Variants in TRIB3 observed in about 807,000 individuals in gnomAD.
TRIB3 encodes the protein tribbles pseudokinase 3, also known as tribbles homolog 3.
In TRIB3, 20 loss-of-function variants were observed where a neutral mutation model predicts 16.6. The ratio of observed to expected loss-of-function variants is 1.20; its 90% CI spans 0.85 to 1.75. The LOEUF (loss-of-function observed/expected upper bound fraction) is 1.75. Ranked by LOEUF, TRIB3 falls within the 40% of genes most tolerant of loss-of-function variation. The probability of loss-of-function intolerance (pLI) is 0.00; values close to 1 mark genes in which losing one functional copy is unlikely to be tolerated. For missense variants in TRIB3, 484 were observed against 488.9 expected (o/e 0.99, Z 0.10); for synonymous variants, 208 against 217.0 (o/e 0.96, Z 0.36).
chr20:386,730 G>A (rs770923364), intron 1 of TRIB3, among the ~76,000 whole-genome samples: 3 of 152,046 alleles, frequency 2.0e-5, no homozygotes, highest in Non-Finnish European at 2.9e-5. Flanking sequence ...ACGCCACCAC[G>A]CCTGGCTAAT....
At position 396,713 on chromosome 20, in the gene TRIB3, C is replaced by T. The variant is rs767371142; in HGVS notation, c.*23C>T. On this transcript the variant is annotated 3_prime_UTR_variant, in exon 4 of 4. Coordinates refer to ENST00000217233, the MANE Select transcript of TRIB3 (RefSeq NM_021158.5). ...TAGGACCACCCTACTACACGCTCAG[C>T]TGCCAACAGTGGATTGAGTTTGGGG... 8 of 1,576,974 alleles carry T rather than the reference C, an allele frequency of 5.1e-6. No homozygotes were observed. The Admixed American group carries it at 1.4e-4, about 27-fold the overall frequency.
chr20:387,813 A>AT (rs1345339845), intron 1 of TRIB3, among the ~76,000 whole-genome samples, 198 bp from the exon 2 acceptor site: 2 of 152,038 alleles, frequency 1.3e-5, no homozygotes, highest in Non-Finnish European at 2.9e-5. Context: ...ACTATATTTA[A>AT]TTTTTTTGTG....
rs754475678 is a variant in TRIB3 at position 388,111 on chromosome 20, G to A, written c.101G>A (p.Arg34Gln). Residue 34 changes from arginine (R) to glutamine (Q), a missense_variant, in exon 2 of 4, where the codon CGA becomes CAA. By Grantham distance (43) the Arg-to-Gln change is conservative. Coordinates refer to ENST00000217233, the MANE Select transcript of TRIB3 (RefSeq NM_021158.5). ...GATACCGAGCGTCCCGTCCAGAAAC[G>A]AGCTCGAAGTGGGCCCCAGCCCAGA... is the stretch of plus-strand genomic sequence containing the variant. ...NLDTERPVQK[R>Q]ARSGPQPRLP... The A allele has an allele frequency of 2.0e-5, 32 of 1,613,990 alleles. No individual in the cohort carries two copies. The highest frequency in any genetic ancestry group is 1.7e-4 in the African/African-American group (13 of 74,936).
intron 3 of TRIB3, 134 bp from the exon 4 acceptor site, chr20:396,064 A>G: frequency 7.5e-7 from 1 of 1,334,498 alleles, no homozygotes; most frequent in Non-Finnish European, 1.0e-6. Flanking sequence ...AGGATCAGAC[A>G]TCACAGGACT....
intron 3 of TRIB3, 31 bp from the exon 4 acceptor site, chr20:396,167 C>T (rs779413843): frequency 3.5e-5 from 55 of 1,591,202 alleles, no homozygotes; most frequent in Admixed American, 6.7e-5. Flanking sequence ...CTGGGTAGGA[C>T]CTGACCCTTC....
chr20:387,934 C>A, intron 1 of TRIB3, 77 bp from the exon 2 acceptor site: 2 of 1,516,844 alleles, frequency 1.3e-6, no homozygotes, highest in South Asian at 1.2e-5. Context: ...TGTTGTGCCA[C>A]GTATCCTCCC....
intron 1 of TRIB3, among the ~76,000 whole-genome samples, chr20:382,022 G>C (rs1023405187): frequency 6.6e-6 from 1 of 152,160 alleles, no homozygotes; most frequent in Non-Finnish European, 1.5e-5. Flanking sequence ...CCACGGGAGG[G>C]GCCTGGCTGC....
chr20:382,456 G>C (rs941193618), intron 1 of TRIB3: 1 of 1,385,282 alleles, frequency 7.2e-7, no homozygotes. Context: ...TGCACAGCCA[G>C]GTATCATCCT....
chr20:381,754 G>A (rs889810506), intron 1 of TRIB3, among the ~76,000 whole-genome samples: 4 of 152,118 alleles, frequency 2.6e-5, no homozygotes, highest in African/African-American at 4.8e-5. Context: ...GAGCGGGGGA[G>A]CCGAGGGAGT....
intron 3 of TRIB3, among the ~76,000 whole-genome samples, chr20:395,744 A>G (rs1417634362): frequency 2.0e-5 from 3 of 152,094 alleles, no homozygotes; most frequent in East Asian, 3.9e-4. Flanking sequence ...GAGCCAGGTA[A>G]TGAGCTGGGT....
intron 1 of TRIB3, chr20:382,384 C>T: frequency 1.4e-6 from 1 of 723,286 alleles, no homozygotes; most frequent in Non-Finnish European, 2.2e-6. Context: ...GCCTGGACTA[C>T]TGATGTGGCA....
intron 2 of TRIB3, among the ~76,000 whole-genome samples, chr20:388,753 G>A (rs2014893091): frequency 6.6e-6 from 1 of 152,144 alleles, no homozygotes; most frequent in South Asian, 2.1e-4. Context: ...GGTCATGAAG[G>A]TGTTAACAAG....
At position 396,481 on chromosome 20, in the gene TRIB3, T is replaced by C. The variant is rs1453108118; in HGVS notation, c.868T>C (p.Cys290Arg). The change falls in exon 4 of 4, where the codon TGT becomes CGT. Residue 290 changes from cysteine (C) to arginine (R), a missense_variant. Physicochemically the swap from Cys to Arg is radical, Grantham distance 180. Coordinates refer to ENST00000217233, the MANE Select transcript of TRIB3 (RefSeq NM_021158.5). ...LPAGLSAPAR[C>R]LVRCLLRREP... ...TGCAGGCCTCTCGGCCCCTGCCCGC[T>C]GTCTGGTTCGCTGCCTCCTTCGTCG... The C allele has an allele frequency of 6.2e-7, 1 of 1,612,848 alleles. No homozygotes were observed. Among genetic ancestry groups the C allele is most frequent in the African/African-American group, 1.3e-5 (1 of 74,956 alleles).
chr20:383,805 C>T (rs1404584096), intron 1 of TRIB3, among the ~76,000 whole-genome samples: 1 of 152,170 alleles, frequency 6.6e-6, no homozygotes, highest in African/African-American at 2.4e-5. Flanking sequence ...CTCCCACTAG[C>T]ACTGTCTTCA....
At chr20:382,705 A>T in intron 1 of TRIB3, 1 of 940,450 alleles carries the variant, frequency 1.1e-6, no homozygotes, top group Non-Finnish European at 1.7e-6. Context: ...TCCTGTTCCC[A>T]CTTTACAGGA....
chr20:391,691 CTG>C, intron 3 of TRIB3, 112 bp downstream of exon 3: 1 of 1,360,190 alleles, frequency 7.4e-7, no homozygotes, highest in Non-Finnish European at 9.9e-7. Flanking sequence ...GTGGGAGAAA[CTG>C]AAGTAACCAG....
At chr20:386,206 G>A (rs2014802912) in intron 1 of TRIB3, among the ~76,000 whole-genome samples, 2 of 151,936 alleles carry the variant, frequency 1.3e-5, no homozygotes, top group African/African-American at 4.8e-5. Context: ...AAATTGACTG[G>A]AAGATCCTGA....
At chr20:390,972 A>C (rs1197053209) in intron 2 of TRIB3, among the ~76,000 whole-genome samples, 7 of 137,118 alleles carry the variant, frequency 5.1e-5, no homozygotes, top group Non-Finnish European at 1.1e-4. Flanking sequence ...AGTGTGCTCC[A>C]GCCTGGGTGA....
At chr20:384,403 C>G (rs868295641) in intron 1 of TRIB3, among the ~76,000 whole-genome samples, 4 of 152,002 alleles carry the variant, frequency 2.6e-5, no homozygotes, top group African/African-American at 9.7e-5. Flanking sequence ...CTTGCTCTGT[C>G]CCCAGGCTGG....
Sources: gnomAD v4.1 joint callset for allele counts (sites outside exome capture counted in the v4.1 genomes callset) on GRCh38, gnomAD v4.1.1 for gene constraint, MANE v1.5 for transcripts, NCBI Gene and HGNC (gene_info 2026-07-23, HGNC 2026-07-21) for gene names.